Variants in SULF1 observed in about 807,000 individuals in gnomAD.
The protein encoded by SULF1 is extracellular sulfatase Sulf-1.
Under a neutral mutation model 110.5 loss-of-function variants are expected in SULF1, and 46 were observed. That is an observed-to-expected ratio of 0.42 (90% CI 0.33 to 0.53). The LOEUF (loss-of-function observed/expected upper bound fraction) is 0.53. Ranked by LOEUF, SULF1 falls within the 20% of genes least tolerant of loss-of-function variation. The pLI is 0.12. For missense variants in SULF1, 941 were observed against 1,094.2 expected, an observed-to-expected ratio of 0.86 and a Z score of 1.98; for synonymous variants, 371 against 387.1, an observed-to-expected ratio of 0.96 and a Z score of 0.49.
At position 69,628,857 on chromosome 8, in the gene SULF1, C is replaced by A. The variant is rs541488542; in HGVS notation, c.2108+621C>A. Among the ~76,000 whole-genome samples, 4 of 152,108 alleles carry A rather than the reference C, an allele frequency of 2.6e-5. No individual in the cohort carries two copies. In the South Asian group the frequency reaches 8.3e-4, roughly 32 times the overall value. The stretch of plus-strand genomic sequence containing the variant: ...TTTAACTCGATGGCTGATTGGTACT[C>A]GGCTGCCAAAAAAATGAGCCATTTG... On this transcript the variant is annotated intron_variant, in intron 18 of 22. Coordinates refer to ENST00000402687, the MANE Select transcript of SULF1 (RefSeq NM_001128205.2).
chr8:69,604,346 C>T (rs1053904209), intron 12 of SULF1, among the ~76,000 whole-genome samples: 4 of 152,204 alleles, frequency 2.6e-5, no homozygotes, highest in Non-Finnish European at 4.4e-5. Flanking sequence ...CTTCCTACTT[C>T]TTTTCCTTGT....
intron 19 of SULF1, among the ~76,000 whole-genome samples, chr8:69,634,954 C>T (rs1328170340): frequency 6.6e-6 from 1 of 152,134 alleles, no homozygotes; most frequent in Non-Finnish European, 1.5e-5. Context: ...TGCCACCATG[C>T]CTGGTTAATT....
chr8:69,644,078 G>T (rs529441614), intron 22 of SULF1, among the ~76,000 whole-genome samples: 2 of 152,148 alleles, frequency 1.3e-5, no homozygotes, highest in East Asian at 3.9e-4. Flanking sequence ...AAGCCTTCTG[G>T]GCTGTTAGAC....
At chr8:69,509,155 G>A (rs1391645368) in intron 3 of SULF1, among the ~76,000 whole-genome samples, 1 of 152,138 alleles carries the variant, frequency 6.6e-6, no homozygotes, top group African/African-American at 2.4e-5. Context: ...GATTGTTATT[G>A]TTGTAATATT....
chr8:69,479,593 G>C (rs1379127294), intron 1 of SULF1, among the ~76,000 whole-genome samples: 2 of 152,044 alleles, frequency 1.3e-5, no homozygotes, highest in Admixed American at 1.3e-4. Flanking sequence ...AATTTGCAGT[G>C]GATTTTCCAG....
chr8:69,583,556 A>C (rs1308071576), intron 6 of SULF1, among the ~76,000 whole-genome samples: 1 of 152,210 alleles, frequency 6.6e-6, no homozygotes, highest in Non-Finnish European at 1.5e-5. Context: ...CCTGGGCAAC[A>C]GGGTAAGACT....
chr8:69,603,887 TTAGA>T (rs1240106423), intron 12 of SULF1, among the ~76,000 whole-genome samples: 3 of 152,146 alleles, frequency 2.0e-5, no homozygotes, highest in Admixed American at 1.3e-4. Context: ...AAAAACACAG[TTAGA>T]TAGAAGTTAT....
chr8:69,496,769 T>G (rs1031965573), intron 2 of SULF1, among the ~76,000 whole-genome samples: 1 of 152,214 alleles, frequency 6.6e-6, no homozygotes, highest in African/African-American at 2.4e-5. Flanking sequence ...AATGATTTAC[T>G]CCCAACTGGG....
chr8:69,604,454 C>T (rs1808062986), intron 12 of SULF1, among the ~76,000 whole-genome samples: 1 of 152,102 alleles, frequency 6.6e-6, no homozygotes, highest in Non-Finnish European at 1.5e-5. Context: ...TACCCATTGC[C>T]TTGTTTTTCT....
chr8:69,487,475 C>T (rs1056668285), intron 1 of SULF1, among the ~76,000 whole-genome samples: 6 of 152,120 alleles, frequency 3.9e-5, no homozygotes, highest in African/African-American at 1.4e-4. Context: ...CACGTAACAG[C>T]GAGTACTGTA....
At chr8:69,546,018 C>T (rs1056081672) in intron 3 of SULF1, among the ~76,000 whole-genome samples, 8 of 152,098 alleles carry the variant, frequency 5.3e-5, no homozygotes, top group African/African-American at 1.7e-4. Flanking sequence ...ATAGAACTGT[C>T]CCACACAATC....
At chr8:69,509,230 T>C (rs1161370590) in intron 3 of SULF1, among the ~76,000 whole-genome samples, 2 of 152,218 alleles carry the variant, frequency 1.3e-5, no homozygotes. Flanking sequence ...TCCATCACCT[T>C]ATTTCTCTCT....
intron 3 of SULF1, among the ~76,000 whole-genome samples, chr8:69,523,917 G>T (rs191925068): frequency 3.3e-5 from 5 of 152,022 alleles, no homozygotes; most frequent in Admixed American, 3.3e-4. Context: ...GAGAGGAGGG[G>T]TGATCCAGAA....
intron 1 of SULF1, among the ~76,000 whole-genome samples, chr8:69,479,501 T>C (rs963565864): frequency 3.3e-5 from 5 of 152,212 alleles, no homozygotes; most frequent in South Asian, 2.1e-4. Flanking sequence ...AAAAGGTTTA[T>C]ATTACTTAGA....
chr8:69,598,047 A>G (rs905497710), intron 8 of SULF1, among the ~76,000 whole-genome samples: 1 of 151,976 alleles, frequency 6.6e-6, no homozygotes, highest in Non-Finnish European at 1.5e-5. Context: ...ACATGGGCTT[A>G]AGTCCCTCCC....
At position 69,616,123 on chromosome 8, in the gene SULF1, A is replaced by ACAC. The variant is rs1364997032; in HGVS notation, c.1378-4912_1378-4911insCAC. ...CACACATATATGTGTGTGTATATAT[A>ACAC]ATGTGTATATATATACACACATATA... is the stretch of plus-strand genomic sequence containing the variant. On this transcript the variant is annotated intron_variant, in intron 13 of 22. Coordinates refer to ENST00000402687, the MANE Select transcript of SULF1 (RefSeq NM_001128205.2). Among the ~76,000 whole-genome samples the ACAC allele has an allele frequency of 4.5e-3, 632 of 140,876 alleles. 6 individuals carry two copies. The highest frequency in any genetic ancestry group is 7.4e-3 in the Non-Finnish European group (478 of 64,870). The allele number at this position is 140,876 out of a possible 152,430, so 92.4% of individuals were successfully genotyped here. A position where few individuals can be genotyped will look rare whatever the true frequency, so the allele number is the denominator to read the frequency against.
intron 3 of SULF1, among the ~76,000 whole-genome samples, chr8:69,533,507 G>C (rs1256121862): frequency 6.6e-6 from 1 of 152,088 alleles, no homozygotes; most frequent in Non-Finnish European, 1.5e-5. Flanking sequence ...TGTGGTATTT[G>C]GTTTTCTGTT....
At chr8:69,548,070 C>A (rs983916069) in intron 3 of SULF1, among the ~76,000 whole-genome samples, 2 of 152,136 alleles carry the variant, frequency 1.3e-5, no homozygotes, top group Non-Finnish European at 2.9e-5. Context: ...ATGATGCCCC[C>A]CTACACAAGC....
chr8:69,627,961 G>GA lies in SULF1; in HGVS notation c.2042+97dup, dbSNP rs1444107638. 17 of 979,504 alleles carry GA rather than the reference G, an allele frequency of 1.7e-5. No homozygotes were observed. In the African/African-American group the frequency reaches 1.8e-4, roughly 10 times the overall value. The allele number at this position is 979,504 out of a possible 1,614,324, so 60.7% of individuals were successfully genotyped here. A position where few individuals can be genotyped will look rare whatever the true frequency, so the allele number is the denominator to read the frequency against. On this transcript the variant is annotated intron_variant, in intron 17 of 22. Transcript: ENST00000402687. ...GGCTCATTTTTCTCTCTTACCTATA[G>GA]AATGTATTGTCATAGAGTACGATAA...
Sources: gnomAD v4.1 joint callset for allele counts (sites outside exome capture counted in the v4.1 genomes callset) on GRCh38, gnomAD v4.1.1 for gene constraint, MANE v1.5 for transcripts, NCBI Gene and HGNC (gene_info 2026-07-23, HGNC 2026-07-21) for gene names.